EXOC6B: variants seen among roughly 807,000 people sequenced by gnomAD.
EXOC6B encodes SEC15 homolog B.
In EXOC6B, 54 loss-of-function variants were observed where a neutral mutation model predicts 113.5. The observed-to-expected ratio is 0.48, with a 90% CI of 0.38 to 0.60. The LOEUF is 0.60. EXOC6B is among the 20% of genes least tolerant of loss of function. EXOC6B has a pLI of 0.00. For synonymous variants in EXOC6B, 357 were observed against 339.0 expected (o/e 1.05, Z -0.58); for missense variants, 797 against 977.5 (o/e 0.82, Z 2.46).
intron 1 of EXOC6B, among the ~76,000 whole-genome samples, chr2:72,779,854 C>G (rs886155706): frequency 6.6e-6 from 1 of 152,134 alleles, no homozygotes; most frequent in Non-Finnish European, 1.5e-5. Flanking sequence ...GGTGTATGCC[C>G]GTTGCTTCAT....
At chr2:72,200,282 A>T (rs1679412508) in intron 20 of EXOC6B, among the ~76,000 whole-genome samples, 1 of 152,230 alleles carries the variant, frequency 6.6e-6, no homozygotes, top group Non-Finnish European at 1.5e-5. Context: ...GCAACTCAGG[A>T]TTCCTTCTAA....
At chr2:72,310,163 A>C (rs1040765209) in intron 20 of EXOC6B, among the ~76,000 whole-genome samples, 1 of 152,168 alleles carries the variant, frequency 6.6e-6, no homozygotes, top group African/African-American at 2.4e-5. Flanking sequence ...CAGGAAGGAC[A>C]TTCCTGGGTC....
At chr2:72,708,043 T>C (rs1047982105) in intron 6 of EXOC6B, among the ~76,000 whole-genome samples, 11 of 151,900 alleles carry the variant, frequency 7.2e-5, no homozygotes, top group African/African-American at 1.9e-4. Flanking sequence ...CTCTACAAAA[T>C]ATTAAATTTT....
chr2:72,259,511 G>A (rs755388999), intron 20 of EXOC6B, among the ~76,000 whole-genome samples: 3 of 151,814 alleles, frequency 2.0e-5, no homozygotes, highest in South Asian at 4.1e-4. Context: ...AAGTCTTTTC[G>A]TGGACATATG....
At chr2:72,719,767 C>T (rs990007588) in intron 5 of EXOC6B, among the ~76,000 whole-genome samples, 1 of 152,074 alleles carries the variant, frequency 6.6e-6, no homozygotes, top group Admixed American at 6.6e-5. Context: ...AGCAGACCTG[C>T]CTTACAAGAA....
intron 8 of EXOC6B, among the ~76,000 whole-genome samples, chr2:72,526,002 T>C (rs1429844248): frequency 6.6e-6 from 1 of 152,168 alleles, no homozygotes; most frequent in Non-Finnish European, 1.5e-5. Context: ...TTTCTAAAGT[T>C]ATTATTCATA....
intron 6 of EXOC6B, among the ~76,000 whole-genome samples, chr2:72,646,035 T>C (rs941513099): frequency 5.9e-5 from 9 of 152,014 alleles, no homozygotes; most frequent in African/African-American, 2.2e-4. Context: ...ACAAAATTGA[T>C]AGACCATTAG....
intron 20 of EXOC6B, among the ~76,000 whole-genome samples, chr2:72,334,033 T>TA (rs953819458): frequency 6.6e-6 from 1 of 151,176 alleles, no homozygotes; most frequent in Non-Finnish European, 1.5e-5. Flanking sequence ...ACTGCATCAT[T>TA]ATGGCAGGAG....
In EXOC6B at chr2:72,616,024, T is replaced by C. The variant is rs546278685; in HGVS notation, c.670-40356A>G. Among the ~76,000 whole-genome samples, 12 of 152,142 alleles carry C rather than the reference T, an allele frequency of 7.9e-5. No homozygotes were observed. The South Asian group carries it at 2.5e-3, about 32-fold the overall frequency. ...AATTTTAAAAATAGAAAAAAGCTTATAAAATAAGCATATAAAAATACCTTT... is the reference window on the plus strand; with the variant it reads ...AATTTTAAAAATAGAAAAAAGCTTACAAAATAAGCATATAAAAATACCTTT... On this transcript the variant is annotated intron_variant, in intron 6 of 21. Coordinates refer to ENST00000272427, the MANE Select transcript of EXOC6B (RefSeq NM_015189.3).
chr2:72,453,171 A>AT (rs1418587005), intron 18 of EXOC6B, among the ~76,000 whole-genome samples: 8 of 152,190 alleles, frequency 5.3e-5, no homozygotes, highest in Admixed American at 2.6e-4. Flanking sequence ...CAATGATTTA[A>AT]CCTACCTATA....
At chr2:72,198,825 G>A (rs566287375) in intron 20 of EXOC6B, among the ~76,000 whole-genome samples, 24 of 152,274 alleles carry the variant, frequency 1.6e-4, no homozygotes, top group Non-Finnish European at 2.6e-4. Flanking sequence ...AATTCAACAG[G>A]AAACAACACT....
intron 17 of EXOC6B, among the ~76,000 whole-genome samples, chr2:72,476,856 T>C (rs1033469019): frequency 1.3e-5 from 2 of 152,240 alleles, no homozygotes; most frequent in Non-Finnish European, 2.9e-5. Flanking sequence ...ACTGGCTTTA[T>C]TTTATCATTT....
rs76837934 is a variant in EXOC6B, at chr2:72,318,898, T to TA, written c.2196+16048dup. ...TACACTCTAATACCTATGAAGTTAA[T>TA]AAAAAAAAAAAAACCTTAAAATCAT... On this transcript the variant is annotated intron_variant, in intron 20 of 21. Transcript: ENST00000272427. Among the ~76,000 whole-genome samples the TA allele has an allele frequency of 1.9e-3, 279 of 143,218 alleles. 3 individuals carry two copies. Among genetic ancestry groups the TA allele is most frequent in the Admixed American group, 7.6e-3 (108 of 14,260 alleles). 94.0% of individuals were successfully genotyped at this position (143,218 alleles called of 152,430 possible).
intron 20 of EXOC6B, among the ~76,000 whole-genome samples, chr2:72,203,796 G>A (rs1679651840): frequency 6.6e-6 from 1 of 152,180 alleles, no homozygotes; most frequent in Admixed American, 6.5e-5. Context: ...TGGCCCAGAG[G>A]CTCTGGACCA....
Position 72,742,064 on chromosome 2 carries a change from G to GA in EXOC6B, c.114-596dup, listed in dbSNP as rs753906201. ...TGCTGATCTGACTATATACTTTACA[G>GA]AAAAAAACAGGCACAAAGAACTACC... On this transcript the variant is annotated intron_variant, in intron 1 of 21. Coordinates refer to ENST00000272427, the MANE Select transcript of EXOC6B (RefSeq NM_015189.3). 1.4e-4 allele frequency among the ~76,000 whole-genome samples: 21 copies of GA among 152,098 alleles called. No individual in the cohort carries two copies. The East Asian group carries it at 3.3e-3, about 24-fold the overall frequency.
At chr2:72,771,459 T>C (rs1387126492) in intron 1 of EXOC6B, among the ~76,000 whole-genome samples, 3 of 152,220 alleles carry the variant, frequency 2.0e-5, no homozygotes, top group Non-Finnish European at 1.5e-5. Flanking sequence ...AGTACCATTA[T>C]GAAATTCAAG....
chr2:72,214,412 A>G (rs1005739786), intron 20 of EXOC6B, among the ~76,000 whole-genome samples: 4 of 151,318 alleles, frequency 2.6e-5, no homozygotes, highest in Non-Finnish European at 5.9e-5. Flanking sequence ...AATGGCGTGA[A>G]CCTGGGAGGC....
chr2:72,377,319 C>T (rs1341487977), intron 19 of EXOC6B, among the ~76,000 whole-genome samples: 1 of 152,122 alleles, frequency 6.6e-6, no homozygotes, highest in Non-Finnish European at 1.5e-5. Context: ...TTAACGTATA[C>T]AACTACCATA....
At chr2:72,783,360 T>C (rs1684179755) in intron 1 of EXOC6B, among the ~76,000 whole-genome samples, 1 of 142,070 alleles carries the variant, frequency 7.0e-6, no homozygotes, top group Non-Finnish European at 1.5e-5. Flanking sequence ...AGTCTCGCTC[T>C]GTCGCCCAGG....
Sources: gnomAD v4.1 joint callset for allele counts (sites outside exome capture counted in the v4.1 genomes callset) on GRCh38, gnomAD v4.1.1 for gene constraint, MANE v1.5 for transcripts, NCBI Gene and HGNC (gene_info 2026-07-23, HGNC 2026-07-21) for gene names.